Variants in POM121 observed in about 807,000 individuals in gnomAD.
POM121 encodes POM121 transmembrane nucleoporin, also known as nuclear envelope pore membrane protein POM 121.
A neutral mutation model predicts 81.3 loss-of-function variants in POM121; 32 were observed. That is an observed-to-expected ratio of 0.39 (90% confidence interval 0.30 to 0.53). The LOEUF is 0.53. Among genes scored for constraint, POM121 ranks in the 20% least tolerant of loss-of-function variants. The probability of loss-of-function intolerance (pLI) is 0.66; values close to 1 mark genes in which losing one functional copy is unlikely to be tolerated. For missense variants in POM121, 1,138 were observed against 1,614.6 expected (o/e 0.70, Z 5.06); for synonymous variants, 514 against 694.2 (o/e 0.74, Z 4.08).
At chr7:72,894,628 AGAGAGAGAGAGAGAGAGAGAGAG>A in intron 3 of POM121, among the ~76,000 whole-genome samples, 1 of 10,746 alleles carries the variant, frequency 9.3e-5, no homozygotes, top group Non-Finnish European at 4.6e-4. Context: ...GAGAGAGAGG[AGAGAGAGAGAGAGAGAGAGAGAG>A]AGAGAGAGAG....
At chr7:72,940,013 C>A in intron 8 of POM121, 45 bp downstream of exon 8, 2 of 1,597,614 alleles carry the variant, frequency 1.3e-6, no homozygotes, top group South Asian at 1.1e-5. Context: ...GCTTAGCTCT[C>A]CTAAGTATTA....
At position 72,934,987 on chromosome 7, in the gene POM121, G is replaced by C. The variant is rs1586168043; in HGVS notation, c.1276-3603G>C. The stretch of plus-strand genomic sequence containing the variant: ...TCTCATTTCTCTTCAGGACTGTCTT[G>C]TATCTTGGCCTTTTGCATTTTCATA... On this transcript the variant is annotated intron_variant, in intron 5 of 12. Coordinates refer to ENST00000434423, the MANE Select transcript of POM121 (RefSeq NM_001387691.1). 2.7e-5 allele frequency among the ~76,000 whole-genome samples: 4 copies of C among 149,780 alleles called. No individual in the cohort carries two copies. In the East Asian group the frequency reaches 7.8e-4, roughly 29 times the overall value.
intron 1 of POM121, among the ~76,000 whole-genome samples, chr7:72,889,114 AT>A (rs1563132293): frequency 1.3e-5 from 2 of 152,110 alleles, no homozygotes; most frequent in African/African-American, 4.8e-5. Flanking sequence ...ATTTTATGTT[AT>A]TTATTGGTCC....
At chr7:72,930,640 GATT>G (rs1795923194) in intron 5 of POM121, among the ~76,000 whole-genome samples, 1 of 152,224 alleles carries the variant, frequency 6.6e-6, no homozygotes, top group Non-Finnish European at 1.5e-5. Flanking sequence ...TTGGAAAAGG[GATT>G]ATCGCATAGT....
intron 4 of POM121, among the ~76,000 whole-genome samples, chr7:72,915,618 A>C (rs1488810049): frequency 2.6e-5 from 4 of 152,096 alleles, no homozygotes; most frequent in Non-Finnish European, 4.4e-5. Flanking sequence ...CAGGTGATCC[A>C]CTTGCTTTGG....
At chr7:72,927,854 A>G (rs1385574574) in intron 3 of POM121, among the ~76,000 whole-genome samples, 2 of 152,200 alleles carry the variant, frequency 1.3e-5, no homozygotes, top group African/African-American at 2.4e-5. Context: ...TCCAAGTGCT[A>G]TGGATAGAGC....
chr7:72,937,061 C>G (rs1796580069), intron 5 of POM121, among the ~76,000 whole-genome samples: 1 of 152,026 alleles, frequency 6.6e-6, no homozygotes, highest in Non-Finnish European at 1.5e-5. Flanking sequence ...TCAAGACCAT[C>G]CTGGCCAACA....
intron 3 of POM121, among the ~76,000 whole-genome samples, chr7:72,892,579 A>T (rs140001538): frequency 2.0e-5 from 3 of 152,026 alleles, no homozygotes; most frequent in Non-Finnish European, 4.4e-5. Flanking sequence ...CTTTTCCTTC[A>T]TCTGCATTTC....
At chr7:72,939,437 TG>T (rs781908253) in intron 7 of POM121, 28 bp downstream of exon 7, 1 of 1,613,142 alleles carries the variant, frequency 6.2e-7, no homozygotes, top group South Asian at 1.1e-5. Flanking sequence ...GAGGAGGGGC[TG>T]CTGTTGGTGG....
chr7:72,938,817 T>TA (rs1270841371), intron 6 of POM121, 136 bp downstream of exon 6: 1 of 997,940 alleles, frequency 1.0e-6, no homozygotes, highest in African/African-American at 1.6e-5. Flanking sequence ...CCCTGAGAGG[T>TA]ACAATGCAGT....
At chr7:72,936,504 C>A (rs1424412031) in intron 5 of POM121, among the ~76,000 whole-genome samples, 5 of 150,276 alleles carry the variant, frequency 3.3e-5, no homozygotes, top group Non-Finnish European at 7.4e-5. Flanking sequence ...GTCTCAATCT[C>A]CTGACCTCGT....
At chr7:72,919,998 TTTGA>T (rs1297327319) in intron 4 of POM121, among the ~76,000 whole-genome samples, 1 of 152,194 alleles carries the variant, frequency 6.6e-6, no homozygotes, top group African/African-American at 2.4e-5. Context: ...TTTTGAGCAA[TTTGA>T]TTATGTGACT....
At position 72,926,934 on chromosome 7, in the gene POM121, A is replaced by G. The variant is rs1271511265; in HGVS notation, c.993A>G (p.Ile331Met). 1 of 1,613,984 alleles carries G rather than the reference A, an allele frequency of 6.2e-7. No individual in the cohort carries two copies. The highest frequency in any genetic ancestry group is 8.5e-7 in the Non-Finnish European group (1 of 1,179,864). Residue 331 changes from isoleucine (I) to methionine (M), a missense_variant, in exon 3 of 13, where the codon ATA becomes ATG. Physicochemically the swap from Ile to Met is conservative, Grantham distance 10. Coordinates refer to ENST00000434423, the MANE Select transcript of POM121 (RefSeq NM_001387691.1). Reference sequence around the variant, plus strand: ...GGACAGTGGAGGAAGAAGACCAAATATTCCTTGATGGCCAGGAAAATAAAA... The same window carrying G: ...GGACAGTGGAGGAAGAAGACCAAATGTTCCTTGATGGCCAGGAAAATAAAA... ...KKRTVEEEDQ[I>M]FLDGQENKRR...
chr7:72,938,615 C>T lies in POM121; in HGVS notation c.1301C>T (p.Ser434Leu). 2 of 1,613,906 alleles carry T rather than the reference C, an allele frequency of 1.2e-6. No individual in the cohort carries two copies. Among genetic ancestry groups the T allele is most frequent in the Admixed American group, 3.3e-5 (2 of 60,004 alleles). The change falls in exon 6 of 13, where the codon TCA (serine) becomes TTA (leucine). Residue 434 changes from serine to leucine, a missense_variant. This residue lies in a region of POM121 where 646 missense variants were observed against 633.5 expected (regional missense o/e 1.02). Coordinates refer to ENST00000434423, the MANE Select transcript of POM121 (RefSeq NM_001387691.1). ...SQLWKRNGPS[S>L]SPFSSPASSR... is the part of the protein sequence containing the mutation. ...CTCTGGAAGAGAAATGGCCCCAGTT[C>T]ATCACCCTTCTCTAGCCCAGCCTCC... is the stretch of plus-strand genomic sequence containing the variant.
At chr7:72,921,888 C>G (rs1230531346), upstream of POM121, among the ~76,000 whole-genome samples, 1 of 152,154 alleles carries the variant, frequency 6.6e-6, no homozygotes, top group Non-Finnish European at 1.5e-5. Flanking sequence ...GTCTGTGATA[C>G]AAATAATGCT....
In POM121 at chr7:72,926,439, G is replaced by A; in HGVS notation, c.822G>A (p.Arg274=). ...SRMVCSPVTV[R]IAPPDRRFSR... Reference sequence around the variant, plus strand: ...TGGTGTGTAGCCCAGTGACTGTGAGGATCGCCCCTCCTGACAGAAGATTTT... The same window carrying A: ...TGGTGTGTAGCCCAGTGACTGTGAGAATCGCCCCTCCTGACAGAAGATTTT... Residue 274 remains arginine (R), a synonymous_variant, in exon 2 of 13, where the codon AGG becomes AGA. Transcript: ENST00000434423. 1 of 1,613,996 alleles carries A rather than the reference G, an allele frequency of 6.2e-7. No individual in the cohort carries two copies. Among genetic ancestry groups the A allele is most frequent in the Non-Finnish European group, 8.5e-7 (1 of 1,179,868 alleles).
chr7:72,912,438 C>T (rs1447860191), intron 3 of POM121, among the ~76,000 whole-genome samples: 2 of 152,096 alleles, frequency 1.3e-5, no homozygotes, highest in Non-Finnish European at 1.5e-5. Context: ...GGACTGAGGA[C>T]AGGTTCCCAG....
intron 3 of POM121, among the ~76,000 whole-genome samples, chr7:72,927,768 GT>G (rs1456516698): frequency 6.6e-6 from 1 of 152,078 alleles, no homozygotes; most frequent in Non-Finnish European, 1.5e-5. Flanking sequence ...TAAATAAATA[GT>G]TTTCTAAGTA....
upstream of POM121, among the ~76,000 whole-genome samples, chr7:72,922,126 G>C (rs1232618387): frequency 6.6e-6 from 1 of 152,006 alleles, no homozygotes; most frequent in African/African-American, 2.4e-5. Flanking sequence ...GTCTTTACTA[G>C]ATTACTAGTG....
Sources: allele counts gnomAD v4.1 joint callset (sites outside exome capture counted in the v4.1 genomes callset), GRCh38; gene constraint gnomAD v4.1.1; regional missense constraint gnomAD v4.1.1; transcripts MANE v1.5; gene names NCBI Gene and HGNC (gene_info 2026-07-23, HGNC 2026-07-21).